Variants in GOLPH3 observed in about 807,000 individuals in gnomAD.
GOLPH3 encodes the protein golgi phosphoprotein 3, also known as coat protein GPP34.
In GOLPH3, 14 loss-of-function variants were observed where a neutral mutation model predicts 28.5. The ratio of observed to expected loss-of-function variants is 0.49; its 90% CI spans 0.32 to 0.77. The LOEUF is 0.77. Among genes scored for constraint, GOLPH3 ranks in the 30% least tolerant of loss-of-function variants. GOLPH3 has a pLI of 0.03. For missense variants in GOLPH3, 350 were observed against 393.7 expected, an observed-to-expected ratio of 0.89 and a Z score of 0.94; for synonymous variants, 158 against 159.2, an observed-to-expected ratio of 0.99 and a Z score of 0.06.
intron 3 of GOLPH3, among the ~76,000 whole-genome samples, chr5:32,130,722 T>C (rs940636366): frequency 2.4e-4 from 36 of 152,186 alleles, no homozygotes; most frequent in Admixed American, 3.9e-4. Context: ...CCCTCCCCTA[T>C]ACACACATCC....
At chr5:32,147,688 T>TTA (rs1746208855) in intron 1 of GOLPH3, among the ~76,000 whole-genome samples, 1 of 152,136 alleles carries the variant, frequency 6.6e-6, no homozygotes, top group South Asian at 2.1e-4. Flanking sequence ...TCAACTATAG[T>TTA]TATAGTTGTT....
chr5:32,143,903 TAAAAC>T (rs974749155), intron 1 of GOLPH3, 23 bp from the exon 2 acceptor site: 2 of 1,440,060 alleles, frequency 1.4e-6, no homozygotes, highest in African/African-American at 1.5e-5. Flanking sequence ...GAAGAAGAAA[TAAAAC>T]AAAATAGCTA....
intron 1 of GOLPH3, among the ~76,000 whole-genome samples, chr5:32,153,704 A>T (rs1324814521): frequency 6.6e-6 from 1 of 152,244 alleles, no homozygotes; most frequent in Non-Finnish European, 1.5e-5. Flanking sequence ...GTTAAATAAA[A>T]ATCTATAATG....
chr5:32,169,566 A>G (rs545500121), intron 1 of GOLPH3, among the ~76,000 whole-genome samples: 16 of 152,304 alleles, frequency 1.1e-4, no homozygotes, highest in African/African-American at 3.6e-4. Flanking sequence ...TCTAACCTTA[A>G]AAGACTAAGA....
At chr5:32,157,449 C>A (rs950122583) in intron 1 of GOLPH3, among the ~76,000 whole-genome samples, 1 of 152,170 alleles carries the variant, frequency 6.6e-6, no homozygotes, top group Non-Finnish European at 1.5e-5. Flanking sequence ...TATTATCAAT[C>A]CCAATTCAAA....
At chr5:32,173,707 G>T in intron 1 of GOLPH3, 103 bp downstream of exon 1, 1 of 791,068 alleles carries the variant, frequency 1.3e-6, no homozygotes, top group Non-Finnish European at 1.7e-6. Flanking sequence ...GAGGGCAGGT[G>T]CGCGGGCCGG....
chr5:32,137,359 TA>T (rs924772621), intron 2 of GOLPH3, among the ~76,000 whole-genome samples: 1 of 151,936 alleles, frequency 6.6e-6, no homozygotes, highest in African/African-American at 2.4e-5. Flanking sequence ...AACTTTTTTT[TA>T]AAAAAAGCTA....
intron 2 of GOLPH3, among the ~76,000 whole-genome samples, chr5:32,142,128 T>C (rs1375887772): frequency 2.0e-5 from 3 of 149,488 alleles, no homozygotes; most frequent in Admixed American, 2.0e-4. Flanking sequence ...GGAGCGTCTC[T>C]GCCCGGCCGC....
chr5:32,158,460 T>C (rs1003134060), intron 1 of GOLPH3, among the ~76,000 whole-genome samples: 2 of 152,070 alleles, frequency 1.3e-5, no homozygotes, highest in African/African-American at 4.8e-5. Context: ...CACCTGCCTA[T>C]TGGCCTTCAA....
intron 2 of GOLPH3, among the ~76,000 whole-genome samples, chr5:32,142,572 G>A (rs1223316918): frequency 7.0e-6 from 1 of 142,188 alleles, no homozygotes; most frequent in Non-Finnish European, 1.5e-5. Context: ...CACTCTGCCC[G>A]GCCAGCCGCC....
intron 1 of GOLPH3, 113 bp downstream of exon 1, chr5:32,173,697 G>A: frequency 1.4e-6 from 1 of 697,992 alleles, no homozygotes; most frequent in Non-Finnish European, 2.0e-6. Context: ...ACTTCGGAGC[G>A]AGGGCAGGTG....
At position 32,174,251 on chromosome 5, in the gene GOLPH3, G is replaced by A; in HGVS notation, c.-217C>T. ...CGGGGCAGGAGAGGAGCGCCTTCCT[G>A]CCTGTGGCCGCAGTCCCCGAAACAC... On this transcript the variant is annotated 5_prime_UTR_variant, in exon 1 of 4. Coordinates refer to ENST00000265070, the MANE Select transcript of GOLPH3 (RefSeq NM_022130.4). 1 of 364,326 alleles carries A rather than the reference G, an allele frequency of 2.7e-6. No individual in the cohort carries two copies. Among genetic ancestry groups the A allele is most frequent in the South Asian group, 1.4e-4 (1 of 6,910 alleles). The allele number at this position is 364,326 out of a possible 1,614,324, so 22.6% of individuals were successfully genotyped here. A position where few individuals can be genotyped will look rare whatever the true frequency, so the allele number is the denominator to read the frequency against.
In GOLPH3 at chr5:32,174,213, G is replaced by A; in HGVS notation, c.-179C>T. 2.6e-6 allele frequency: 1 copy of A among 388,914 alleles called. No individual in the cohort carries two copies. Among genetic ancestry groups the A allele is most frequent in the Non-Finnish European group, 4.5e-6 (1 of 223,954 alleles). The allele number at this position is 388,914 out of a possible 1,614,324, so 24.1% of individuals were successfully genotyped here. A position where few individuals can be genotyped will look rare whatever the true frequency, so the allele number is the denominator to read the frequency against. On this transcript the variant is annotated 5_prime_UTR_variant, in exon 1 of 4. Transcript: ENST00000265070. ...GAAACAGGTCAGGGCGAAGCGGGCT[G>A]GCCGGGCGTCGGCGGGGCAGGAGAG... is the stretch of plus-strand genomic sequence containing the variant.
intron 2 of GOLPH3, among the ~76,000 whole-genome samples, chr5:32,137,912 T>TC (rs1483704912): frequency 6.6e-6 from 1 of 151,128 alleles, no homozygotes; most frequent in East Asian, 1.9e-4. Context: ...TTTTTTTGTT[T>TC]TTTTTTTTTG....
chr5:32,151,968 T>G (rs895561666), intron 1 of GOLPH3, among the ~76,000 whole-genome samples: 1 of 152,112 alleles, frequency 6.6e-6, no homozygotes, highest in Non-Finnish European at 1.5e-5. Flanking sequence ...AAGGAAATAG[T>G]AGCTATTGTT....
At chr5:32,157,978 AAAATAAATAAATAAATAAAT>A (rs199592768) in intron 1 of GOLPH3, among the ~76,000 whole-genome samples, 1 of 38,664 alleles carries the variant, frequency 2.6e-5, no homozygotes, top group African/African-American at 1.1e-4. Flanking sequence ...ACTCTGTCTC[AAAATAAATAAATAAATAAAT>A]AAATAAATAA....
intron 2 of GOLPH3, among the ~76,000 whole-genome samples, chr5:32,136,243 G>C (rs1473492079): frequency 6.6e-6 from 1 of 152,136 alleles, no homozygotes; most frequent in Non-Finnish European, 1.5e-5. Context: ...ACCTTGGGAG[G>C]CCGAGGCGGG....
intron 2 of GOLPH3, among the ~76,000 whole-genome samples, chr5:32,142,572 G>T (rs1223316918): frequency 7.0e-6 from 1 of 142,188 alleles, no homozygotes; most frequent in Non-Finnish European, 1.5e-5. Flanking sequence ...CACTCTGCCC[G>T]GCCAGCCGCC....
chr5:32,127,214 A>G (rs533578211), intron 3 of GOLPH3, among the ~76,000 whole-genome samples: 22 of 152,172 alleles, frequency 1.4e-4, no homozygotes, highest in Non-Finnish European at 2.8e-4. Flanking sequence ...TTAAAATAAA[A>G]CCAAACGATT....
Sources: allele counts gnomAD v4.1 joint callset (sites outside exome capture counted in the v4.1 genomes callset), GRCh38; gene constraint gnomAD v4.1.1; transcripts MANE v1.5; gene names NCBI Gene and HGNC (gene_info 2026-07-23, HGNC 2026-07-21).